Variants in GTF2IRD1 observed in about 807,000 individuals in gnomAD.
The protein encoded by GTF2IRD1 is general transcription factor II-I repeat domain-containing protein 1.
A neutral mutation model predicts 113.2 loss-of-function variants in GTF2IRD1; 26 were observed. The ratio of observed to expected loss-of-function variants is 0.23; its 90% CI spans 0.17 to 0.32. The LOEUF (loss-of-function observed/expected upper bound fraction) is 0.32. Ranked by LOEUF, GTF2IRD1 falls within the 10% of genes least tolerant of loss-of-function variation. The pLI, the probability that GTF2IRD1 is intolerant of heterozygous loss-of-function variation, is 1.00. For synonymous variants in GTF2IRD1, 484 were observed against 529.1 expected, an observed-to-expected ratio of 0.91 and a Z score of 1.17; for missense variants, 864 against 1,280.8, an observed-to-expected ratio of 0.67 and a Z score of 4.97.
chr7:74,568,353 A>AAAAAAAG (rs1186927216), intron 22 of GTF2IRD1, among the ~76,000 whole-genome samples: 9 of 150,064 alleles, frequency 6.0e-5, no homozygotes, highest in Admixed American at 2.7e-4. Flanking sequence ...AAAAAAAAAA[A>AAAAAAAG]AAGAAGGAGA....
intron 1 of GTF2IRD1, among the ~76,000 whole-genome samples, chr7:74,492,462 G>T (rs534176144): frequency 6.6e-6 from 1 of 152,006 alleles, no homozygotes; most frequent in Non-Finnish European, 1.5e-5. Context: ...GAGCCACCAC[G>T]CCTGGCCCAG....
At chr7:74,513,968 G>A (rs1216599578) in intron 3 of GTF2IRD1, among the ~76,000 whole-genome samples, 1 of 152,124 alleles carries the variant, frequency 6.6e-6, no homozygotes, top group African/African-American at 2.4e-5. Flanking sequence ...AGCTACGATG[G>A]CACCCCTGCA....
At chr7:74,491,652 A>G (rs568789250) in intron 1 of GTF2IRD1, among the ~76,000 whole-genome samples, 16 of 152,262 alleles carry the variant, frequency 1.1e-4, no homozygotes, top group African/African-American at 3.8e-4. Flanking sequence ...TGCAAAGAAC[A>G]TGATCTTGTT....
chr7:74,502,051 A>T (rs1239387719), intron 1 of GTF2IRD1, among the ~76,000 whole-genome samples: 2 of 152,066 alleles, frequency 1.3e-5, no homozygotes, highest in Non-Finnish European at 2.9e-5. Context: ...GGCTCAAGTG[A>T]TCCTCCCGTC....
At chr7:74,493,523 A>T (rs782196194) in intron 1 of GTF2IRD1, among the ~76,000 whole-genome samples, 1 of 152,136 alleles carries the variant, frequency 6.6e-6, no homozygotes, top group Non-Finnish European at 1.5e-5. Context: ...ATTTTGCCAT[A>T]TAAGGTAACA....
chr7:74,553,145 G>A (rs1428703758), intron 17 of GTF2IRD1, among the ~76,000 whole-genome samples: 1 of 147,120 alleles, frequency 6.8e-6, no homozygotes, highest in African/African-American at 2.5e-5. Context: ...GCCTTTTGTG[G>A]GTTTTTTTTG....
Position 74,596,910 on chromosome 7 carries a change from A to C in GTF2IRD1, c.2629+1859A>C, listed in dbSNP as rs187190110. ...TGTGGACCAAAAAGGTTTTTCTAAA[A>C]ATTAGCCAGGCATGGTAGTAGGCAC... On this transcript the variant is annotated intron_variant, in intron 25 of 26. Transcript: ENST00000424337. Among the ~76,000 whole-genome samples, 675 of 152,228 alleles carry C rather than the reference A, an allele frequency of 4.4e-3. 4 individuals are homozygous for C. The highest frequency in any genetic ancestry group is 7.2e-3 in the Non-Finnish European group (492 of 68,012).
intron 1 of GTF2IRD1, among the ~76,000 whole-genome samples, chr7:74,505,367 C>A (rs1403926855): frequency 1.3e-5 from 2 of 152,170 alleles, no homozygotes; most frequent in African/African-American, 4.8e-5. Flanking sequence ...AGGCCCTTTG[C>A]AGGGAGTGGC....
intron 12 of GTF2IRD1, among the ~76,000 whole-genome samples, chr7:74,538,470 C>T (rs1798432193): frequency 6.6e-6 from 1 of 152,220 alleles, no homozygotes; most frequent in South Asian, 2.1e-4. Context: ...GGGCCTCAGT[C>T]ACCGGGTCTG....
intron 22 of GTF2IRD1, among the ~76,000 whole-genome samples, chr7:74,574,596 A>G (rs1800902029): frequency 6.6e-6 from 1 of 150,888 alleles, no homozygotes; most frequent in Admixed American, 6.6e-5. Context: ...AGTAGCTGGG[A>G]CTGGAGGCGT....
At chr7:74,507,903 G>A (rs1359001560) in intron 1 of GTF2IRD1, among the ~76,000 whole-genome samples, 172 bp from the exon 2 acceptor site, 1 of 152,176 alleles carries the variant, frequency 6.6e-6, no homozygotes, top group Non-Finnish European at 1.5e-5. Context: ...GCCCAGGCCT[G>A]TGCAGGCTCT....
intron 9 of GTF2IRD1, among the ~76,000 whole-genome samples, chr7:74,530,938 C>T (rs1554348704): frequency 6.6e-6 from 1 of 152,102 alleles, no homozygotes; most frequent in African/African-American, 2.4e-5. Flanking sequence ...GGCATGGTGG[C>T]AGGTACCTGT....
intron 1 of GTF2IRD1, among the ~76,000 whole-genome samples, chr7:74,502,708 CG>C (rs1796092608): frequency 6.6e-6 from 1 of 152,170 alleles, no homozygotes; most frequent in African/African-American, 2.4e-5. Flanking sequence ...TCTTGGCGGC[CG>C]GCAAATCTGC....
chr7:74,527,790 A>G (rs1797692849), intron 8 of GTF2IRD1, among the ~76,000 whole-genome samples: 5 of 152,190 alleles, frequency 3.3e-5, no homozygotes, highest in African/African-American at 1.2e-4. Context: ...GCAGTGAGCC[A>G]AGATTGTGCC....
intron 14 of GTF2IRD1, among the ~76,000 whole-genome samples, chr7:74,543,780 A>G (rs782582538): frequency 6.9e-6 from 1 of 145,478 alleles, no homozygotes; most frequent in Non-Finnish European, 1.5e-5. Flanking sequence ...ACATGCCTCT[A>G]GTTCCAGCTA....
At position 74,512,633 on chromosome 7, in the gene GTF2IRD1, C is replaced by T. The variant is rs547827047; in HGVS notation, c.124-197C>T. Among the ~76,000 whole-genome samples, 82 of 152,324 alleles carry T rather than the reference C, an allele frequency of 5.4e-4. No individual in the cohort carries two copies. Among genetic ancestry groups the T allele is most frequent in the Admixed American group, 3.3e-4 (5 of 15,292 alleles). On this transcript the variant is annotated intron_variant, in intron 2 of 26. Transcript: ENST00000424337. This position sits in a 1 kb window ranked among gnomAD's most constrained non-coding sequence, Gnocchi z 4.4. The stretch of plus-strand genomic sequence containing the variant: ...ACACTTGTCCTCCTCCACCCCCCAT[C>T]GCCAATGCCTGCAGGGCCATTTCAT...
At chr7:74,511,069 C>A (rs929286080) in intron 2 of GTF2IRD1, among the ~76,000 whole-genome samples, 9 of 151,326 alleles carry the variant, frequency 5.9e-5, no homozygotes, top group South Asian at 2.1e-4. Flanking sequence ...AAAAAAAGTT[C>A]TACTTGGCAG....
intron 22 of GTF2IRD1, among the ~76,000 whole-genome samples, chr7:74,574,008 A>C (rs782461128): frequency 8.5e-5 from 13 of 152,162 alleles, no homozygotes; most frequent in Non-Finnish European, 1.8e-4. Flanking sequence ...TTTGAGACAG[A>C]GTTGCGCTCT....
chr7:74,518,835 CTG>C (rs1322539767), intron 5 of GTF2IRD1, among the ~76,000 whole-genome samples: 1 of 152,128 alleles, frequency 6.6e-6, no homozygotes, highest in African/African-American at 2.4e-5. Context: ...ATGCAGTGAG[CTG>C]TGATTGCGTC....
Sources: gnomAD v4.1 joint callset for allele counts (sites outside exome capture counted in the v4.1 genomes callset) on GRCh38, gnomAD v4.1.1 for gene constraint, Gnocchi (gnomAD v3.1) non-coding constraint, MANE v1.5 for transcripts, NCBI Gene and HGNC (gene_info 2026-07-23, HGNC 2026-07-21) for gene names.